Variants in PHYKPL observed in about 807,000 individuals in gnomAD.
PHYKPL encodes 5-phosphonooxy-L-lysine phospho-lyase.
Under a neutral mutation model 51.3 loss-of-function variants are expected in PHYKPL, and 42 were observed. The observed-to-expected ratio is 0.82, with a 90% CI of 0.64 to 1.06. PHYKPL has a LOEUF of 1.06. Among genes scored for constraint, PHYKPL ranks in the 50% least tolerant of loss-of-function variants. The pLI, the probability that PHYKPL is intolerant of heterozygous loss-of-function variation, is 0.00. For synonymous variants in PHYKPL, 264 were observed against 236.0 expected, an observed-to-expected ratio of 1.12 and a Z score of -1.09; for missense variants, 655 against 586.6, an observed-to-expected ratio of 1.12 and a Z score of -1.20.
rs79723000 is a variant in PHYKPL at position 178,214,249 on chromosome 5, A to T, written c.1172+547T>A. Among the ~76,000 whole-genome samples the T allele has an allele frequency of 6.1e-3, 934 of 152,286 alleles. 7 individuals carry two copies. The highest frequency in any genetic ancestry group is 0.022 in the African/African-American group (901 of 41,556). On this transcript the variant is annotated intron_variant, in intron 10 of 12. Transcript: ENST00000308158. ...ATAACAATTCAACTAGAAGGAGAAG[A>T]AGTCCTGAGGACTTGGGGTCCAAGT...
At chr5:178,212,054 GAC>G in intron 11 of PHYKPL, 84 bp from the exon 12 acceptor site, 1 of 1,457,658 alleles carries the variant, frequency 6.9e-7, no homozygotes. Context: ...CAAACTGGAG[GAC>G]AGTTTAGAGA....
At chr5:178,232,437 G>T (rs1056747056) in intron 1 of PHYKPL, 55 bp downstream of exon 1, 2 of 1,376,042 alleles carry the variant, frequency 1.5e-6, no homozygotes, top group African/African-American at 1.5e-5. Context: ...TCGTGCGTGC[G>T]CGTGCCTCTC....
intron 8 of PHYKPL, among the ~76,000 whole-genome samples, chr5:178,220,880 G>C (rs1316621900): frequency 1.3e-5 from 2 of 152,060 alleles, no homozygotes; most frequent in African/African-American, 4.8e-5. Flanking sequence ...TGATATGTTA[G>C]TAGAAAAAAA....
chr5:178,210,366 T>TCAGA (rs1171633169), intron 12 of PHYKPL: 1 of 1,594,314 alleles, frequency 6.3e-7, no homozygotes, highest in African/African-American at 1.4e-5. Flanking sequence ...GGCTTTGGAG[T>TCAGA]CAGACAGGCC....
rs372185914 is a variant in PHYKPL, at chr5:178,224,460, C to T, written c.606G>A (p.Glu202=). 6.3e-7 allele frequency: 1 copy of T among 1,586,024 alleles called. No homozygotes were observed. Among genetic ancestry groups the T allele is most frequent in the Non-Finnish European group, 8.6e-7 (1 of 1,164,828 alleles). Residue 202 remains glutamate, a synonymous_variant, in exon 6 of 13, where the codon GAG becomes GAA. Coordinates refer to ENST00000308158, the MANE Select transcript of PHYKPL (RefSeq NM_153373.4). ...CGGACACGGTTACCTTCCTGCCCTTCTCCTGTGCACTGCTGACCACACGTT... is the reference window on the plus strand; with the variant it reads ...CGGACACGGTTACCTTCCTGCCCTTTTCCTGTGCACTGCTGACCACACGTT... The part of the protein sequence containing the change: ...EVKRVVSSAQ[E]KGRKIAAFFA...
chr5:178,225,149 C>T (rs1762037199), intron 4 of PHYKPL: 2 of 612,602 alleles, frequency 3.3e-6, no homozygotes, highest in Admixed American at 2.9e-5. Flanking sequence ...GCACTCTGCT[C>T]CCCAGAGCTG....
intron 8 of PHYKPL, among the ~76,000 whole-genome samples, chr5:178,220,087 T>C (rs7717633): frequency 0.72 from 108,276 of 150,818 alleles, 38,963 homozygotes; most frequent in African/African-American, 0.77. Flanking sequence ...CCCAGGTACT[T>C]GGCAGGCTGA....
Position 178,232,494 on chromosome 5 carries a change from G to A in PHYKPL, c.57C>T (p.Ile19=). 1.5e-6 allele frequency: 2 copies of A among 1,354,618 alleles called. No homozygotes were observed. The highest frequency in any genetic ancestry group is 1.9e-6 in the Non-Finnish European group (2 of 1,062,060). 83.9% of individuals were successfully genotyped at this position (1,354,618 alleles called of 1,614,324 possible). ...ADTLALRQRL[I]SSSCRLFFPE... is the part of the protein sequence containing the mutation. ...CCGCCCGCCCCCCGCCCGGGTACCT[G>A]ATGAGCCGTTGCCTCAGGGCCAGCG... Residue 19 remains isoleucine, a splice_region_variant and synonymous_variant, in exon 1 of 13, where the codon ATC becomes ATT. Transcript: ENST00000308158.
rs1029667926 is a variant in PHYKPL, at chr5:178,208,571, A to C, written c.*376T>G. 1 of 152,264 alleles carries C rather than the reference A, an allele frequency of 6.6e-6. No individual in the cohort carries two copies. The highest frequency in any genetic ancestry group is 2.1e-4 in the South Asian group (1 of 4,836). 9.4% of individuals were successfully genotyped at this position (152,264 alleles called of 1,614,324 possible). A position where few individuals can be genotyped will look rare whatever the true frequency, so the allele number is the denominator to read the frequency against. On this transcript the variant is annotated 3_prime_UTR_variant, in exon 13 of 13. Coordinates refer to ENST00000308158, the MANE Select transcript of PHYKPL (RefSeq NM_153373.4). Reference sequence around the variant, plus strand: ...GCATTATTTTAATTTGCCAATTAAAAGTATGACTGGGACACTGTAAAATGT... The same window carrying C: ...GCATTATTTTAATTTGCCAATTAAACGTATGACTGGGACACTGTAAAATGT...
At chr5:178,209,268 T>G (rs1356380880) in intron 12 of PHYKPL, 1 of 1,291,776 alleles carries the variant, frequency 7.7e-7, no homozygotes, top group East Asian at 2.3e-5. Flanking sequence ...AGTGAAGGTG[T>G]TTGGGCAGTC....
At chr5:178,210,376 C>G in intron 12 of PHYKPL, 2 of 1,586,630 alleles carry the variant, frequency 1.3e-6, no homozygotes, top group Non-Finnish European at 1.7e-6. Context: ...TCAGACAGGC[C>G]TGGCTCAGCC....
At chr5:178,212,355 T>C (rs1438501987) in intron 11 of PHYKPL, among the ~76,000 whole-genome samples, 1 of 152,224 alleles carries the variant, frequency 6.6e-6, no homozygotes, top group East Asian at 1.9e-4. Flanking sequence ...AGGGCACAGG[T>C]TGCTTGGCTG....
At chr5:178,209,724 G>A (rs981778071) in intron 12 of PHYKPL, among the ~76,000 whole-genome samples, 1 of 152,136 alleles carries the variant, frequency 6.6e-6, no homozygotes, top group African/African-American at 2.4e-5. Flanking sequence ...CTTTGTGGAT[G>A]TCCTGAGTCT....
downstream of PHYKPL, among the ~76,000 whole-genome samples, chr5:178,208,097 C>T (rs1009374468): frequency 6.6e-6 from 1 of 152,172 alleles, no homozygotes; most frequent in South Asian, 2.1e-4. Flanking sequence ...GATTCATGTG[C>T]AGGGAGGTGT....
Position 178,232,661 on chromosome 5 carries a change from G to A in PHYKPL, c.-111C>T, listed in dbSNP as rs1487915908. The A allele has an allele frequency of 1.0e-5, 12 of 1,165,670 alleles. No individual in the cohort carries two copies. Among genetic ancestry groups the A allele is most frequent in the Admixed American group, 4.3e-5 (1 of 23,124 alleles). 72.2% of individuals were successfully genotyped at this position (1,165,670 alleles called of 1,614,324 possible). On this transcript the variant is annotated 5_prime_UTR_variant, in exon 1 of 13. Transcript: ENST00000308158. The stretch of plus-strand genomic sequence containing the variant: ...GCCCCTGCCTGGGTCGGGATTTGGG[G>A]CTCAGGTTCGCACTCGGCCCCGCCC...
At chr5:178,225,279 A>G in intron 4 of PHYKPL, 76 bp downstream of exon 4, 1 of 1,555,850 alleles carries the variant, frequency 6.4e-7, no homozygotes, top group Non-Finnish European at 8.8e-7. Flanking sequence ...TAAGGCACCC[A>G]GAGTCAGTCT....
chr5:178,217,323 C>T (rs966519778), intron 8 of PHYKPL, among the ~76,000 whole-genome samples: 6 of 150,844 alleles, frequency 4.0e-5, no homozygotes, highest in African/African-American at 1.5e-4. Context: ...CAGGTTCAGG[C>T]GATTCTGGTG....
chr5:178,229,907 C>T (rs1763038150), intron 3 of PHYKPL, 33 bp downstream of exon 3: 1 of 1,606,738 alleles, frequency 6.2e-7, no homozygotes, highest in East Asian at 2.2e-5. Flanking sequence ...ACCGTCTCAC[C>T]CTCTTCCCGG....
At chr5:178,227,849 G>A (rs1301972457) in intron 3 of PHYKPL, among the ~76,000 whole-genome samples, 1 of 152,186 alleles carries the variant, frequency 6.6e-6, no homozygotes, top group African/African-American at 2.4e-5. Flanking sequence ...GAGATGGAGA[G>A]GTGGAGGGAG....
Sources: gnomAD v4.1 joint callset for allele counts (sites outside exome capture counted in the v4.1 genomes callset) on GRCh38, gnomAD v4.1.1 for gene constraint, MANE v1.5 for transcripts, NCBI Gene and HGNC (gene_info 2026-07-23, HGNC 2026-07-21) for gene names.